Variants in TRIT1 observed in about 807,000 individuals in gnomAD.
TRIT1 encodes tRNA isopentenyltransferase 1.
In TRIT1, 43 loss-of-function variants were observed where a neutral mutation model predicts 51.2. The ratio of observed to expected loss-of-function variants is 0.84; its 90% CI spans 0.66 to 1.08. The LOEUF (loss-of-function observed/expected upper bound fraction) is 1.08. TRIT1 is among the 50% of genes least tolerant of loss of function. The probability of loss-of-function intolerance (pLI) is 0.00; values close to 1 mark genes in which losing one functional copy is unlikely to be tolerated. For missense variants in TRIT1, 528 were observed against 578.4 expected (o/e 0.91, Z 0.89); for synonymous variants, 184 against 203.9 (o/e 0.90, Z 0.83).
At chr1:39,880,867 A>C (rs1644239906) in intron 1 of TRIT1, among the ~76,000 whole-genome samples, 1 of 152,078 alleles carries the variant, frequency 6.6e-6, no homozygotes, top group African/African-American at 2.4e-5. Context: ...ACGAGACATA[A>C]TAGCTACTAT....
intron 3 of TRIT1, among the ~76,000 whole-genome samples, chr1:39,853,553 G>A (rs1642713864): frequency 6.6e-6 from 1 of 151,952 alleles, no homozygotes; most frequent in South Asian, 2.1e-4. Flanking sequence ...GTGCCACCAT[G>A]CCTGGCTAAT....
intron 5 of TRIT1, among the ~76,000 whole-genome samples, chr1:39,849,604 C>A (rs1303027408): frequency 6.6e-6 from 1 of 152,240 alleles, no homozygotes; most frequent in African/African-American, 2.4e-5. Context: ...AGGAAAGGCA[C>A]TGTCTCTTCA....
intron 1 of TRIT1, among the ~76,000 whole-genome samples, chr1:39,871,666 A>G (rs1355876803): frequency 1.3e-5 from 2 of 152,214 alleles, no homozygotes; most frequent in African/African-American, 4.8e-5. Context: ...TTGTATGATT[A>G]CATTTTAAGA....
chr1:39,854,086 T>TA lies in TRIT1; in HGVS notation c.316-19dup, dbSNP rs761246525. The TA allele has an allele frequency of 6.5e-7, 1 of 1,528,150 alleles. No homozygotes were observed. Among genetic ancestry groups the TA allele is most frequent in the Admixed American group, 1.8e-5 (1 of 56,010 alleles). The allele number at this position is 1,528,150 out of a possible 1,614,324, so 94.7% of individuals were successfully genotyped here. On this transcript the variant is annotated intron_variant, in intron 2 of 10. Transcript: ENST00000316891. ...TCTTCAATGTGAACATTAAGAAAGA[T>TA]ATCACGATATCAAGAGAATCCTGAC...
chr1:39,877,948 T>C (rs937107367), intron 1 of TRIT1, among the ~76,000 whole-genome samples: 7 of 152,226 alleles, frequency 4.6e-5, no homozygotes, highest in African/African-American at 1.7e-4. Context: ...TTTCTATAAT[T>C]TGTGAAACAA....
chr1:39,862,871 G>C lies in TRIT1; in HGVS notation c.175-5454C>G, dbSNP rs897146636. 4.1e-6 allele frequency: 4 copies of C among 985,304 alleles called. No individual in the cohort carries two copies. In the African/African-American group the frequency reaches 7.0e-5, roughly 17 times the overall value. The allele number at this position is 985,304 out of a possible 1,614,324, so 61.0% of individuals were successfully genotyped here. A position where few individuals can be genotyped will look rare whatever the true frequency, so the allele number is the denominator to read the frequency against. On this transcript the variant is annotated intron_variant, in intron 1 of 10. Coordinates refer to ENST00000316891, the MANE Select transcript of TRIT1 (RefSeq NM_017646.6). Reference sequence around the variant, plus strand: ...GCTGGGAAGAGCCAAAAGGATCTGTGTTATCTTTCAAAGACAGCATGCCAC... The same window carrying C: ...GCTGGGAAGAGCCAAAAGGATCTGTCTTATCTTTCAAAGACAGCATGCCAC...
At position 39,841,696 on chromosome 1, in the gene TRIT1, C is replaced by T. The variant is rs766681378; in HGVS notation, c.*48G>A. On this transcript the variant is annotated 3_prime_UTR_variant, in exon 11 of 11. Transcript: ENST00000316891. ...CTGGGAGACAAACATACCCCTCCCT[C>T]CTGAACTGGATCCCCACCACCTTTC... 1 of 1,565,372 alleles carries T rather than the reference C, an allele frequency of 6.4e-7. No homozygotes were observed. Among genetic ancestry groups the T allele is most frequent in the Admixed American group, 1.9e-5 (1 of 52,638 alleles).
chr1:39,868,172 T>A (rs1643655956), intron 1 of TRIT1, among the ~76,000 whole-genome samples: 1 of 151,498 alleles, frequency 6.6e-6, no homozygotes, highest in Non-Finnish European at 1.5e-5. Flanking sequence ...GGTCTCGATC[T>A]CCTGACCTCG....
Position 39,883,462 on chromosome 1 carries a change from A to G in TRIT1, c.30T>C (p.Val10=). The change falls in exon 1 of 11, where the codon GTT becomes GTC. Residue 10 remains valine (V), a synonymous_variant. Coordinates refer to ENST00000316891, the MANE Select transcript of TRIT1 (RefSeq NM_017646.6). MASVAAARA[V]PVGSGLRGLQ... Reference sequence around the variant, plus strand: ...GGCCCCTGAGCCCACTGCCCACGGGAACTGCTCGTGCAGCCGCCACGGACG... The same window carrying G: ...GGCCCCTGAGCCCACTGCCCACGGGGACTGCTCGTGCAGCCGCCACGGACG... 6.3e-7 allele frequency: 1 copy of G among 1,599,408 alleles called. No homozygotes were observed. The highest frequency in any genetic ancestry group is 8.6e-7 in the Non-Finnish European group (1 of 1,168,490).
intron 8 of TRIT1, among the ~76,000 whole-genome samples, chr1:39,845,469 T>C (rs1451512742): frequency 6.6e-6 from 1 of 152,228 alleles, no homozygotes; most frequent in Non-Finnish European, 1.5e-5. Flanking sequence ...TCAAAGGCCT[T>C]CGGATGCCAA....
rs983924337 is a variant in TRIT1, at chr1:39,839,384, G to A, written c.*2360C>T. Among the ~76,000 whole-genome samples the A allele has an allele frequency of 2.6e-5, 4 of 152,210 alleles. No homozygotes were observed. The highest frequency in any genetic ancestry group is 1.5e-5 in the Non-Finnish European group (1 of 68,040). On this transcript the variant is annotated 3_prime_UTR_variant, in exon 11 of 11. Transcript: ENST00000316891. ...TTGTCCCAGCTTTGCCTTGCTCTGT[G>A]ACTGGAACATCCATGTTTTAGGCCT...
At chr1:39,877,746 A>G (rs753224621) in intron 1 of TRIT1, among the ~76,000 whole-genome samples, 1 of 152,198 alleles carries the variant, frequency 6.6e-6, no homozygotes, top group Non-Finnish European at 1.5e-5. Context: ...CTTCGGTATC[A>G]TCTTCCTGAA....
chr1:39,841,616 T>C lies in TRIT1; in HGVS notation c.*128A>G, dbSNP rs1194726363. On this transcript the variant is annotated 3_prime_UTR_variant, in exon 11 of 11. Transcript: ENST00000316891. ...ACTTTAAAACCACATCAAAAGAAAA[T>C]GGTGGGAGCTTTTCTGCTATGCAGA... 2.1e-6 allele frequency: 2 copies of C among 936,488 alleles called. No homozygotes were observed. Among genetic ancestry groups the C allele is most frequent in the East Asian group, 2.7e-5 (1 of 37,282 alleles). 58.0% of individuals were successfully genotyped at this position (936,488 alleles called of 1,614,324 possible).
intron 1 of TRIT1, among the ~76,000 whole-genome samples, chr1:39,866,200 A>G (rs1183155386): frequency 6.6e-6 from 1 of 151,962 alleles, no homozygotes; most frequent in Non-Finnish European, 1.5e-5. Flanking sequence ...TTTTTTAGAC[A>G]GAGTCTCTGT....
At chr1:39,857,971 C>T (rs535978584) in intron 1 of TRIT1, among the ~76,000 whole-genome samples, 98 of 152,296 alleles carry the variant, frequency 6.4e-4, no homozygotes, top group African/African-American at 2.3e-3. Context: ...CTAGTGGAAA[C>T]ATTGTGATCT....
In TRIT1 at chr1:39,849,144, C is replaced by A. The variant is rs1473188127; in HGVS notation, c.703+975G>T. ...CTAGAAAGTTTGCATTTATTGAGGACCCGTCATGTGTCAGGCACATTCTGA... is the reference window on the plus strand; with the variant it reads ...CTAGAAAGTTTGCATTTATTGAGGAACCGTCATGTGTCAGGCACATTCTGA... On this transcript the variant is annotated intron_variant, in intron 5 of 10. Coordinates refer to ENST00000316891, the MANE Select transcript of TRIT1 (RefSeq NM_017646.6). 3.3e-5 allele frequency among the ~76,000 whole-genome samples: 5 copies of A among 152,148 alleles called. No homozygotes were observed. In the East Asian group the frequency reaches 9.6e-4, roughly 29 times the overall value.
At chr1:39,877,649 A>G (rs1644116427) in intron 1 of TRIT1, among the ~76,000 whole-genome samples, 1 of 152,196 alleles carries the variant, frequency 6.6e-6, no homozygotes, top group Non-Finnish European at 1.5e-5. Context: ...CAATTTTCTC[A>G]GTACAATGTT....
chr1:39,855,167 T>A (rs1389423604), intron 2 of TRIT1, among the ~76,000 whole-genome samples: 2 of 152,184 alleles, frequency 1.3e-5, no homozygotes, highest in Non-Finnish European at 2.9e-5. Flanking sequence ...TAACTTTTTT[T>A]AAAAGACTTT....
chr1:39,839,183 A>G lies in TRIT1; in HGVS notation c.*2561T>C, dbSNP rs1652480195. Among the ~76,000 whole-genome samples, 1 of 152,180 alleles carries G rather than the reference A, an allele frequency of 6.6e-6. No homozygotes were observed. The highest frequency in any genetic ancestry group is 1.5e-5 in the Non-Finnish European group (1 of 68,042). ...GTGTGATGGACTGGAGGCTCTGGAT[A>G]CCTGGACTGGAGGGCTCTGCTTGCC... On this transcript the variant is annotated 3_prime_UTR_variant, in exon 11 of 11. Transcript: ENST00000316891.
Sources: allele counts gnomAD v4.1 joint callset (sites outside exome capture counted in the v4.1 genomes callset), GRCh38; gene constraint gnomAD v4.1.1; transcripts MANE v1.5; gene names NCBI Gene and HGNC (gene_info 2026-07-23, HGNC 2026-07-21).